The following MTERF4 variants were observed in gnomAD, a reference collection of about 807,000 sequenced individuals.
The protein encoded by MTERF4 is mitochondrial transcription termination factor 4.
A neutral mutation model predicts 22.5 loss-of-function variants in MTERF4; 17 were observed. The observed-to-expected ratio is 0.75, with a 90% CI of 0.52 to 1.13. MTERF4 has a LOEUF of 1.13. MTERF4 is among the 50% of genes most tolerant of loss of function. MTERF4 has a pLI of 0.00. For synonymous variants in MTERF4, 165 were observed against 175.3 expected, an observed-to-expected ratio of 0.94 and a Z score of 0.47; for missense variants, 420 against 466.8, an observed-to-expected ratio of 0.90 and a Z score of 0.92.
Position 241,099,519 on chromosome 2 carries a change from GAATA to G in MTERF4, c.393_396del (p.Ile132SerfsTer4), listed in dbSNP as rs1204533852. 1 of 1,614,166 alleles carries G rather than the reference GAATA, an allele frequency of 6.2e-7. No individual in the cohort carries two copies. Among genetic ancestry groups the G allele is most frequent in the Non-Finnish European group, 8.5e-7 (1 of 1,180,040 alleles). On this transcript the variant is annotated frameshift_variant, in exon 2 of 4. Transcript: ENST00000391980. LOFTEE classifies it high-confidence loss of function. ...ACAGGCTCTGGATTCAGACCCAAGA[GAATA>G]AATTCTGAAATGATGTCCAGCAACT...
At chr2:241,079,496 A>G (rs1464736734) in intron 4 of MTERF4, among the ~76,000 whole-genome samples, 1 of 152,108 alleles carries the variant, frequency 6.6e-6, no homozygotes, top group Non-Finnish European at 1.5e-5. Flanking sequence ...GGAAATACAA[A>G]TTTTGTCCTC....
chr2:241,079,479 G>T (rs2063220256), intron 4 of MTERF4, among the ~76,000 whole-genome samples: 1 of 151,570 alleles, frequency 6.6e-6, no homozygotes, highest in South Asian at 2.1e-4. Flanking sequence ...GTAGGAAAAT[G>T]GAGAAGGGAA....
chr2:241,098,279 A>T (rs1050707160), intron 2 of MTERF4, among the ~76,000 whole-genome samples: 16 of 152,244 alleles, frequency 1.1e-4, no homozygotes, highest in Non-Finnish European at 2.2e-4. Flanking sequence ...TTTAGATTAC[A>T]CTGTAAGAAT....
At chr2:241,050,793 C>T in the MTERF4 span, among the ~76,000 whole-genome samples, 2 of 152,118 alleles carry the variant, frequency 1.3e-5, no homozygotes, top group Non-Finnish European at 2.9e-5. Flanking sequence ...TACTCCAGCT[C>T]ACACCTGCCA....
downstream of MTERF4, chr2:241,087,525 G>A: frequency 6.4e-7 from 1 of 1,558,420 alleles, no homozygotes; most frequent in Non-Finnish European, 8.7e-7. Flanking sequence ...AGCCCACAGG[G>A]TGATGGGGCA....
the MTERF4 span, among the ~76,000 whole-genome samples, chr2:241,049,399 C>A: frequency 6.6e-6 from 1 of 152,242 alleles, no homozygotes; most frequent in Non-Finnish European, 1.5e-5. Context: ...AGCCCCAACA[C>A]AAGCTATTAA....
Position 241,099,394 on chromosome 2 carries a change from A to G in MTERF4, c.520+2T>C. The G allele has an allele frequency of 2.5e-6, 4 of 1,611,316 alleles. No homozygotes were observed. Among genetic ancestry groups the G allele is most frequent in the Non-Finnish European group, 3.4e-6 (4 of 1,178,474 alleles). On this transcript the variant is annotated splice_donor_variant, in intron 2 of 3. Coordinates refer to ENST00000391980, the MANE Select transcript of MTERF4 (RefSeq NM_182501.4). LOFTEE classifies it high-confidence loss of function. ...CCAGCCAAAATCTGCAACTTCTTGTACCTTCTCCAAGCCCAAGCTTTTGCA... is the reference window on the plus strand; with the variant it reads ...CCAGCCAAAATCTGCAACTTCTTGTGCCTTCTCCAAGCCCAAGCTTTTGCA...
chr2:241,079,895 T>C (rs1033879879), intron 4 of MTERF4, among the ~76,000 whole-genome samples: 1 of 152,228 alleles, frequency 6.6e-6, no homozygotes, highest in Non-Finnish European at 1.5e-5. Flanking sequence ...TTTGAAATGA[T>C]TGCATGTATA....
At chr2:241,078,118 C>T (rs1007854328) in intron 4 of MTERF4, among the ~76,000 whole-genome samples, 2 of 152,182 alleles carry the variant, frequency 1.3e-5, no homozygotes, top group Non-Finnish European at 1.5e-5. Flanking sequence ...GGCGCGGTGG[C>T]TCACGCCTGT....
At chr2:241,066,954 A>C in the MTERF4 span, among the ~76,000 whole-genome samples, 5 of 152,352 alleles carry the variant, frequency 3.3e-5, no homozygotes, top group East Asian at 9.6e-4. Flanking sequence ...CACCTCGGCC[A>C]GTGGAGAGCC....
At chr2:241,071,398 G>C, downstream of MTERF4, 1 of 676,734 alleles carries the variant, frequency 1.5e-6, no homozygotes, top group Middle Eastern at 4.1e-4. Context: ...TGGGCTGGAA[G>C]GGAACCCAGG....
intron 1 of MTERF4, 177 bp downstream of exon 1, chr2:241,102,076 A>C: frequency 1.3e-6 from 1 of 786,460 alleles, no homozygotes; most frequent in Non-Finnish European, 2.0e-6. Flanking sequence ...TCAACTCTAT[A>C]TCCCACAATA....
intron 4 of MTERF4, among the ~76,000 whole-genome samples, chr2:241,079,809 G>C (rs558360966): frequency 6.6e-6 from 1 of 152,256 alleles, no homozygotes; most frequent in South Asian, 2.1e-4. Flanking sequence ...TATGGTCTAA[G>C]GATAAAAAGC....
the MTERF4 span, among the ~76,000 whole-genome samples, chr2:241,063,146 AGGT>A: frequency 1.3e-5 from 2 of 152,222 alleles, no homozygotes; most frequent in African/African-American, 4.8e-5. Context: ...GGCGCAGAGA[AGGT>A]GGGCGTCGGA....
chr2:241,102,026 C>T, intron 1 of MTERF4: 1 of 598,268 alleles, frequency 1.7e-6, no homozygotes, highest in Non-Finnish European at 2.9e-6. Context: ...GCACTCCAGC[C>T]TGGAGACAGA....
intron 4 of MTERF4, among the ~76,000 whole-genome samples, chr2:241,077,907 A>G (rs1007364730): frequency 3.9e-5 from 6 of 152,160 alleles, no homozygotes; most frequent in Non-Finnish European, 5.9e-5. Context: ...GCTCTGGAAA[A>G]CAGTCTGGCA....
chr2:241,073,166 C>G lies in MTERF4; in HGVS notation n.2996G>C. 2.4e-6 allele frequency: 2 copies of G among 838,512 alleles called. No individual in the cohort carries two copies. Among genetic ancestry groups the G allele is most frequent in the South Asian group, 3.4e-5 (2 of 59,658 alleles). The allele number at this position is 838,512 out of a possible 1,614,324, so 51.9% of individuals were successfully genotyped here. A position where few individuals can be genotyped will look rare whatever the true frequency, so the allele number is the denominator to read the frequency against. On this transcript the variant is annotated non_coding_transcript_exon_variant, in exon 5 of 5. Coordinates refer to the MTERF4 transcript ENST00000464344. The surrounding 1 kb of genome is among the most constrained non-coding windows in gnomAD (Gnocchi z 6.6). Reference sequence around the variant, plus strand: ...GGAGCCTGGTCCCCACCAGGGACATCCGTGCTCCCTGAGATATAGAAGCAC... The same window carrying G: ...GGAGCCTGGTCCCCACCAGGGACATGCGTGCTCCCTGAGATATAGAAGCAC...
At chr2:241,072,236 G>T in exon 5 of MTERF4, 1 of 487,654 alleles carries the variant, frequency 2.1e-6, no homozygotes. Flanking sequence ...CCATGGGCAG[G>T]AGGCCATGAG....
chr2:241,064,215 C>G, the MTERF4 span: 156 of 882,126 alleles, frequency 1.8e-4, 1 homozygote, highest in African/African-American at 1.7e-3. The surrounding 1 kb of genome is among the most constrained non-coding windows in gnomAD (Gnocchi z 7.0). Context: ...CCCGCCTGCT[C>G]CCCGCCCTCT....
Sources: allele counts gnomAD v4.1 joint callset (sites outside exome capture counted in the v4.1 genomes callset), GRCh38; gene constraint gnomAD v4.1.1; non-coding constraint Gnocchi (gnomAD v3.1); transcripts MANE v1.5; gene names NCBI Gene and HGNC (gene_info 2026-07-23, HGNC 2026-07-21).